Variants in ANKRD31 observed in about 807,000 individuals in gnomAD.
ANKRD31 encodes ankyrin repeat domain 31.
In ANKRD31, 147 loss-of-function variants were observed where a neutral mutation model predicts 186.0. That is an observed-to-expected ratio of 0.79 (90% CI 0.69 to 0.91). The LOEUF (loss-of-function observed/expected upper bound fraction) is 0.91. ANKRD31 is among the 40% of genes least tolerant of loss of function. The pLI, the probability that ANKRD31 is intolerant of heterozygous loss-of-function variation, is 0.00. For synonymous variants in ANKRD31, 673 were observed against 736.4 expected (o/e 0.91, Z 1.39); for missense variants, 1,986 against 2,148.8 (o/e 0.92, Z 1.50).
chr5:75,125,290 A>T (rs1749151243), intron 17 of ANKRD31, among the ~76,000 whole-genome samples: 1 of 152,204 alleles, frequency 6.6e-6, no homozygotes, highest in Non-Finnish European at 1.5e-5. Context: ...ATGAAACGAT[A>T]AAATATTTTA....
intron 3 of ANKRD31, among the ~76,000 whole-genome samples, chr5:75,216,503 A>G (rs1230737091): frequency 6.6e-6 from 1 of 152,192 alleles, no homozygotes; most frequent in Non-Finnish European, 1.5e-5. Flanking sequence ...GGAAATAAAT[A>G]TTACTTTTTC....
Position 75,231,091 on chromosome 5 carries a change from T to C in ANKRD31, c.105-456A>G, listed in dbSNP as rs115806435. On this transcript the variant is annotated intron_variant, in intron 1 of 25. Coordinates refer to ENST00000506364, the MANE Select transcript of ANKRD31 (RefSeq NM_001372053.1). ...CAGAATTCCTTTATTTATTTATTTA[T>C]TTTGAGACACAGTCTCTCTCTGTCA... 9.1e-3 allele frequency among the ~76,000 whole-genome samples: 1,390 copies of C among 152,256 alleles called. 5 individuals carry two copies. Among genetic ancestry groups the C allele is most frequent in the Non-Finnish European group, 0.016 (1,089 of 68,012 alleles).
intron 24 of ANKRD31, 140 bp downstream of exon 24, chr5:75,084,132 T>C: frequency 1.5e-6 from 1 of 656,358 alleles, no homozygotes; most frequent in Non-Finnish European, 2.6e-6. Flanking sequence ...TGCCACTGAA[T>C]TGTTCACCTT....
At chr5:75,095,176 TA>T (rs1252933318) in intron 22 of ANKRD31, among the ~76,000 whole-genome samples, 5 of 152,124 alleles carry the variant, frequency 3.3e-5, no homozygotes, top group South Asian at 2.1e-4. Context: ...AAATATTAAA[TA>T]AAAAATTCTT....
chr5:75,179,467 T>C (rs1397350074), intron 10 of ANKRD31, among the ~76,000 whole-genome samples: 1 of 152,176 alleles, frequency 6.6e-6, no homozygotes, highest in African/African-American at 2.4e-5. Flanking sequence ...TTGATGAACA[T>C]TGATGCAAAA....
chr5:75,113,860 T>C (rs540625658), intron 19 of ANKRD31, among the ~76,000 whole-genome samples: 9 of 152,318 alleles, frequency 5.9e-5, no homozygotes, highest in African/African-American at 2.2e-4. Context: ...TTTATGGTTA[T>C]AAAAGCAAAC....
In ANKRD31 at chr5:75,145,893, T is replaced by C. The variant is rs1028109870; in HGVS notation, c.3424+94A>G. On this transcript the variant is annotated intron_variant, in intron 14 of 25. Coordinates refer to ENST00000506364, the MANE Select transcript of ANKRD31 (RefSeq NM_001372053.1). ...CCCACATGTCCTCATTCTTCTCAGT[T>C]TGGCCATCGTTTGAATACAATTCAG... The C allele has an allele frequency of 5.4e-6, 6 of 1,112,802 alleles. No homozygotes were observed. In the African/African-American group the frequency reaches 7.9e-5, roughly 15 times the overall value. The allele number at this position is 1,112,802 out of a possible 1,614,324, so 68.9% of individuals were successfully genotyped here. A position where few individuals can be genotyped will look rare whatever the true frequency, so the allele number is the denominator to read the frequency against.
chr5:75,129,906 C>T (rs1277865026), intron 17 of ANKRD31, among the ~76,000 whole-genome samples: 1 of 152,152 alleles, frequency 6.6e-6, no homozygotes, highest in Non-Finnish European at 1.5e-5. Context: ...ACAGATGGTA[C>T]CTGGAAAATC....
chr5:75,115,818 A>G (rs1325683673), intron 19 of ANKRD31, among the ~76,000 whole-genome samples: 2 of 151,864 alleles, frequency 1.3e-5, no homozygotes, highest in Non-Finnish European at 2.9e-5. Context: ...GTGGGACTGT[A>G]AACTAGTTCA....
chr5:75,139,426 C>A (rs1750841760), intron 15 of ANKRD31, among the ~76,000 whole-genome samples: 1 of 152,140 alleles, frequency 6.6e-6, no homozygotes, highest in Non-Finnish European at 1.5e-5. Flanking sequence ...TTTTCTTTCA[C>A]AAAATGTGCT....
intron 17 of ANKRD31, among the ~76,000 whole-genome samples, chr5:75,134,922 G>C (rs546853953): frequency 3.1e-4 from 47 of 152,240 alleles, no homozygotes; most frequent in South Asian, 2.1e-3. Context: ...AAAACCCCAT[G>C]ATTATCTCAA....
At chr5:75,092,530 T>C (rs1745996885) in intron 22 of ANKRD31, among the ~76,000 whole-genome samples, 2 of 152,166 alleles carry the variant, frequency 1.3e-5, no homozygotes, top group African/African-American at 2.4e-5. Context: ...CTTTAGTCCC[T>C]GAGGCTCAAC....
chr5:75,117,488 A>T (rs935533665), intron 18 of ANKRD31, among the ~76,000 whole-genome samples: 5 of 152,158 alleles, frequency 3.3e-5, no homozygotes, highest in African/African-American at 1.2e-4. Flanking sequence ...TTATATCGGT[A>T]ATTCTTCCTT....
chr5:75,080,581 T>C lies in ANKRD31; in HGVS notation c.5634A>G (p.Thr1878=). The C allele has an allele frequency of 6.5e-7, 1 of 1,530,170 alleles. No homozygotes were observed. The highest frequency in any genetic ancestry group is 2.0e-5 in the Admixed American group (1 of 49,952). The allele number at this position is 1,530,170 out of a possible 1,614,324, so 94.8% of individuals were successfully genotyped here. Residue 1878 remains threonine (T), a synonymous_variant, in exon 25 of 26, where the codon ACA becomes ACG. Coordinates refer to ENST00000506364, the MANE Select transcript of ANKRD31 (RefSeq NM_001372053.1). ...TTTTTTTTTTACCTTGTCCAAATTTTGTTTTCTCAAACATTGATTTGTTTG... is the reference window on the plus strand; with the variant it reads ...TTTTTTTTTTACCTTGTCCAAATTTCGTTTTCTCAAACATTGATTTGTTTG... The part of the protein sequence containing the change: ...QEPNKSMFEK[T]KFGQGTSRES...
At chr5:75,096,225 G>C (rs1289815808) in intron 22 of ANKRD31, among the ~76,000 whole-genome samples, 1 of 152,088 alleles carries the variant, frequency 6.6e-6, no homozygotes, top group East Asian at 1.9e-4. Flanking sequence ...AAATGAGATG[G>C]TATCTCATTG....
chr5:75,235,241 CTTTT>C (rs35626841), intron 1 of ANKRD31, among the ~76,000 whole-genome samples: 3 of 99,878 alleles, frequency 3.0e-5, no homozygotes, highest in Non-Finnish European at 5.8e-5. Flanking sequence ...CTTGCTGGTA[CTTTT>C]TTTTTTTTTT....
intron 22 of ANKRD31, among the ~76,000 whole-genome samples, chr5:75,092,726 C>T (rs769162948): frequency 1.1e-4 from 16 of 152,030 alleles, no homozygotes; most frequent in Non-Finnish European, 2.1e-4. Context: ...GTATGACACA[C>T]ACACTGGGAA....
intron 23 of ANKRD31, among the ~76,000 whole-genome samples, chr5:75,089,466 G>A (rs1201805866): frequency 1.3e-5 from 2 of 152,170 alleles, no homozygotes; most frequent in Non-Finnish European, 2.9e-5. Context: ...CAGTAGAAAT[G>A]TTCACATTTA....
chr5:75,132,141 G>A (rs1303378404), intron 17 of ANKRD31, among the ~76,000 whole-genome samples: 4 of 152,256 alleles, frequency 2.6e-5, no homozygotes, highest in African/African-American at 9.6e-5. Flanking sequence ...CGCCAGCAAT[G>A]GAGCAAAGAT....
Sources: gnomAD v4.1 joint callset for allele counts (sites outside exome capture counted in the v4.1 genomes callset) on GRCh38, gnomAD v4.1.1 for gene constraint, MANE v1.5 for transcripts, NCBI Gene and HGNC (gene_info 2026-07-23, HGNC 2026-07-21) for gene names.